Variants in FAF1 observed in about 807,000 individuals in gnomAD.
The protein encoded by FAF1 is FAS-associated factor 1.
Under a neutral mutation model 92.5 loss-of-function variants are expected in FAF1, and 25 were observed. The observed-to-expected ratio is 0.27, with a 90% CI of 0.20 to 0.38. The LOEUF is 0.38. FAF1 is among the 10% of genes least tolerant of loss of function. FAF1 has a pLI of 1.00. For missense variants in FAF1, 636 were observed against 793.3 expected (o/e 0.80, Z 2.38); for synonymous variants, 234 against 273.2 (o/e 0.86, Z 1.42).
intron 1 of FAF1, among the ~76,000 whole-genome samples, chr1:50,878,299 C>A (rs1644586328): frequency 6.6e-6 from 1 of 152,196 alleles, no homozygotes; most frequent in South Asian, 2.1e-4. Flanking sequence ...GTGTTGTCCA[C>A]TGGTAGTCAA....
At chr1:50,659,097 G>GA (rs938244584) in intron 7 of FAF1, among the ~76,000 whole-genome samples, 1 of 152,056 alleles carries the variant, frequency 6.6e-6, no homozygotes, top group Non-Finnish European at 1.5e-5. Flanking sequence ...AAACGATTCT[G>GA]AAAAAAGTTA....
intron 8 of FAF1, among the ~76,000 whole-genome samples, chr1:50,610,991 G>A (rs1049680306): frequency 3.3e-5 from 5 of 152,198 alleles, no homozygotes; most frequent in Admixed American, 3.3e-4. Context: ...GCTTTGTGCA[G>A]CATCTGAATT....
At chr1:50,794,178 T>G (rs1378430090) in intron 3 of FAF1, among the ~76,000 whole-genome samples, 1 of 152,224 alleles carries the variant, frequency 6.6e-6, no homozygotes, top group Non-Finnish European at 1.5e-5. Context: ...TGGTAAAGTT[T>G]CTAGAATGCA....
At chr1:50,883,958 C>G (rs2124691535) in intron 1 of FAF1, among the ~76,000 whole-genome samples, 1 of 151,862 alleles carries the variant, frequency 6.6e-6, no homozygotes, top group East Asian at 2.0e-4. Context: ...AACCCCGTCT[C>G]TACTAAAAAT....
intron 8 of FAF1, among the ~76,000 whole-genome samples, chr1:50,634,104 T>C (rs898442193): frequency 6.6e-6 from 1 of 152,226 alleles, no homozygotes; most frequent in Admixed American, 6.5e-5. Flanking sequence ...TTGATTTGAC[T>C]GTTGATTAAG....
chr1:50,701,571 C>T (rs756515337), intron 7 of FAF1, among the ~76,000 whole-genome samples: 8 of 152,058 alleles, frequency 5.3e-5, no homozygotes, highest in Admixed American at 2.0e-4. Flanking sequence ...CCAAAATATA[C>T]GCTAGTCAAG....
chr1:50,481,598 C>T (rs780896764), intron 17 of FAF1, among the ~76,000 whole-genome samples: 1 of 152,020 alleles, frequency 6.6e-6, no homozygotes, highest in Non-Finnish European at 1.5e-5. Context: ...TGCACATCAA[C>T]GGAATTGCCA....
intron 2 of FAF1, among the ~76,000 whole-genome samples, chr1:50,851,223 G>A (rs1282165838): frequency 6.6e-6 from 1 of 152,032 alleles, no homozygotes; most frequent in Non-Finnish European, 1.5e-5. Flanking sequence ...TGGGACCACA[G>A]GCATGCGCCA....
intron 18 of FAF1, among the ~76,000 whole-genome samples, chr1:50,466,479 GATATATA>G (rs1203561238): frequency 2.0e-5 from 3 of 152,012 alleles, no homozygotes; most frequent in Admixed American, 6.6e-5. Context: ...ATTTAGACTG[GATATATA>G]TATTTGTGAG....
intron 1 of FAF1, among the ~76,000 whole-genome samples, chr1:50,864,399 T>C (rs1644462654): frequency 1.3e-5 from 2 of 152,054 alleles, no homozygotes; most frequent in African/African-American, 4.8e-5. Context: ...TTCTGGTATG[T>C]TGTGTCTTTG....
intron 15 of FAF1, among the ~76,000 whole-genome samples, chr1:50,516,841 A>AC (rs1647237425): frequency 6.6e-6 from 1 of 152,196 alleles, no homozygotes; most frequent in Non-Finnish European, 1.5e-5. Context: ...AGAGATTTTC[A>AC]CAAACACTTT....
At chr1:50,916,005 T>G (rs1644916255) in intron 1 of FAF1, among the ~76,000 whole-genome samples, 1 of 152,130 alleles carries the variant, frequency 6.6e-6, no homozygotes, top group Admixed American at 6.5e-5. Flanking sequence ...CCTTAAGAGA[T>G]AATACAGCCC....
At chr1:50,839,008 A>T (rs1644234548) in intron 2 of FAF1, among the ~76,000 whole-genome samples, 1 of 152,152 alleles carries the variant, frequency 6.6e-6, no homozygotes, top group Non-Finnish European at 1.5e-5. Flanking sequence ...TAACTGTGCT[A>T]CCAGGCACAC....
intron 1 of FAF1, among the ~76,000 whole-genome samples, chr1:50,860,916 G>A (rs1005532915): frequency 6.6e-5 from 10 of 151,808 alleles, no homozygotes; most frequent in South Asian, 2.1e-4. Flanking sequence ...AGAGAACTAC[G>A]TCATGTCCTT....
chr1:50,957,840 ATAAT>A (rs1645281652), intron 1 of FAF1, among the ~76,000 whole-genome samples: 1 of 152,248 alleles, frequency 6.6e-6, no homozygotes, highest in African/African-American at 2.4e-5. Flanking sequence ...AAACAAAGTT[ATAAT>A]TACTTTATAA....
At chr1:50,724,431 A>G (rs779615844) in intron 6 of FAF1, among the ~76,000 whole-genome samples, 6 of 152,120 alleles carry the variant, frequency 3.9e-5, no homozygotes, top group Non-Finnish European at 7.4e-5. Context: ...AGAAGCAGAG[A>G]TAAAGAGTAT....
intron 17 of FAF1, among the ~76,000 whole-genome samples, chr1:50,479,244 A>ACACCACACTGCTCTACCTTCC (rs1646672877): frequency 2.1e-5 from 3 of 144,358 alleles, no homozygotes; most frequent in Non-Finnish European, 4.6e-5. Context: ...GTGGGCCGCC[A>ACACCACACTGCTCTACCTTCC]CACCACACTG....
Position 50,571,643 on chromosome 1 carries a change from C to CT in FAF1, c.1114-4413dup, listed in dbSNP as rs1331245757. ...AGTGTCTGGGATGCTTATTGTGTCT[C>CT]TGAGTTCGGTGCCTCACTAATCTTC... On this transcript the variant is annotated intron_variant, in intron 12 of 18. Coordinates refer to ENST00000396153, the MANE Select transcript of FAF1 (RefSeq NM_007051.3). Among the ~76,000 whole-genome samples the CT allele has an allele frequency of 2.0e-5, 3 of 152,170 alleles. No individual in the cohort carries two copies. In the East Asian group the frequency reaches 5.8e-4, roughly 29 times the overall value.
intron 8 of FAF1, among the ~76,000 whole-genome samples, chr1:50,625,088 C>CG (rs1386485048): frequency 1.3e-5 from 2 of 151,740 alleles, no homozygotes; most frequent in Non-Finnish European, 2.9e-5. Flanking sequence ...TTAATAAAGA[C>CG]GGGGTTTCAC....
Sources: allele counts gnomAD v4.1 joint callset (sites outside exome capture counted in the v4.1 genomes callset), GRCh38; gene constraint gnomAD v4.1.1; transcripts MANE v1.5; gene names NCBI Gene and HGNC (gene_info 2026-07-23, HGNC 2026-07-21).